SYTL5: variants seen among roughly 807,000 people sequenced by gnomAD.
The protein encoded by SYTL5 is synaptotagmin like 5, also known as synaptotagmin-like protein 5.
SYTL5 carries 34 observed loss-of-function variants against 55.9 expected under a neutral mutation model. The ratio of observed to expected loss-of-function variants is 0.61; its 90% CI spans 0.46 to 0.81. The LOEUF (loss-of-function observed/expected upper bound fraction) is 0.81. Ranked by LOEUF, SYTL5 falls within the 30% of genes least tolerant of loss-of-function variation. The pLI is 0.00. For synonymous variants in SYTL5, 221 were observed against 188.7 expected (o/e 1.17, Z -1.40); for missense variants, 637 against 546.7 (o/e 1.17, Z -1.65).
Position 38,010,948 on chromosome X carries a change from C to T in SYTL5, c.-357+4280C>T, listed in dbSNP as rs139417833. 3.7e-3 allele frequency among the ~76,000 whole-genome samples: 418 copies of T among 111,775 alleles called. 2 individuals carry two copies. Among genetic ancestry groups the T allele is most frequent in the African/African-American group, 0.013 (403 of 30,844 alleles). On this transcript the variant is annotated intron_variant, in intron 1 of 16. Coordinates refer to ENST00000297875, the MANE Select transcript of SYTL5 (RefSeq NM_138780.3). ...TCATCATCAACATCATCGCCACTACCATTTACATAAGAATAAACTGAGGAT... is the reference window on the plus strand; with the variant it reads ...TCATCATCAACATCATCGCCACTACTATTTACATAAGAATAAACTGAGGAT...
chrX:38,083,773 CAT>C (rs777093646), intron 6 of SYTL5, among the ~76,000 whole-genome samples: 14 of 40,199 alleles, frequency 3.5e-4, no homozygotes, highest in Non-Finnish European at 5.1e-4. Flanking sequence ...TAAATAGACT[CAT>C]GTGTGTGTGT....
intron 3 of SYTL5, among the ~76,000 whole-genome samples, chrX:38,070,622 C>A (rs987449144): frequency 1.8e-5 from 2 of 111,168 alleles, no homozygotes; most frequent in Non-Finnish European, 3.8e-5. Flanking sequence ...CCTCAGCATT[C>A]AAATATTTGA....
upstream of SYTL5, among the ~76,000 whole-genome samples, chrX:38,004,559 G>T (rs1269528187): frequency 8.9e-6 from 1 of 111,859 alleles, no homozygotes; most frequent in African/African-American, 3.2e-5. Flanking sequence ...TAAAGAAACT[G>T]TGGTACATAT....
At chrX:37,909,630 C>T in the SYTL5 span, among the ~76,000 whole-genome samples, 12 of 110,677 alleles carry the variant, frequency 1.1e-4, no homozygotes, top group Non-Finnish European at 1.3e-4. Flanking sequence ...CTTTGTTGCA[C>T]ATTAAAAATT....
At chrX:38,050,026 C>A (rs990177790) in intron 2 of SYTL5, among the ~76,000 whole-genome samples, 2 of 111,896 alleles carry the variant, frequency 1.8e-5, no homozygotes, top group African/African-American at 6.5e-5. Context: ...GAACCCTGTG[C>A]TCTGGGCCAC....
At chrX:38,008,627 T>C (rs1199906625) in intron 1 of SYTL5, among the ~76,000 whole-genome samples, 1 of 111,642 alleles carries the variant, frequency 9.0e-6, no homozygotes, top group Non-Finnish European at 1.9e-5. Flanking sequence ...ATCTGGTCTC[T>C]CTCTCCTTTT....
the SYTL5 span, among the ~76,000 whole-genome samples, chrX:37,893,514 T>A: frequency 1.1e-5 from 1 of 91,157 alleles, no homozygotes; most frequent in Non-Finnish European, 2.1e-5. Flanking sequence ...ATTGTATATA[T>A]AATCTATAAT....
At chrX:38,003,211 T>C (rs1284726815), upstream of SYTL5, among the ~76,000 whole-genome samples, 1 of 111,634 alleles carries the variant, frequency 9.0e-6, no homozygotes, top group Non-Finnish European at 1.9e-5. Context: ...GGCTCTGTTC[T>C]GTTCCATTGG....
intron 2 of SYTL5, among the ~76,000 whole-genome samples, chrX:38,041,014 G>C (rs1455351071): frequency 1.8e-5 from 2 of 111,892 alleles, no homozygotes; most frequent in Non-Finnish European, 3.8e-5. Flanking sequence ...TGGCTCAGTT[G>C]AAATGCGCCA....
intron 3 of SYTL5, among the ~76,000 whole-genome samples, chrX:38,064,089 A>G (rs780245393): frequency 4.0e-4 from 43 of 106,368 alleles, no homozygotes; most frequent in Non-Finnish European, 7.2e-4. Context: ...GTGTGTGTGT[A>G]TGTGTATACT....
chrX:38,117,768 G>C (rs1046973514), intron 13 of SYTL5, among the ~76,000 whole-genome samples: 1 of 111,653 alleles, frequency 9.0e-6, no homozygotes, highest in Non-Finnish European at 1.9e-5. Flanking sequence ...CTGCCAGCTG[G>C]AGCACCTACA....
Position 38,125,465 on chromosome X carries a change from G to C in SYTL5, c.2009G>C (p.Ser670Thr), listed in dbSNP as rs752426362. 8.3e-7 allele frequency: 1 copy of C among 1,211,729 alleles called. No individual in the cohort carries two copies. The highest frequency in any genetic ancestry group is 2.2e-5 in the Admixed American group (1 of 46,049). The change falls in exon 16 of 17, where the codon AGC becomes ACC. Residue 670 changes from serine (S) to threonine (T), a missense_variant. By Grantham distance (58) the Ser-to-Thr change is moderately conservative. Coordinates refer to ENST00000297875, the MANE Select transcript of SYTL5 (RefSeq NM_138780.3). Reference sequence around the variant, plus strand: ...ATCTGGGACAAGGAGGCCTTTTCCAGCAACATCTTTCTGGGAGGAGTTCGT... The same window carrying C: ...ATCTGGGACAAGGAGGCCTTTTCCACCAACATCTTTCTGGGAGGAGTTCGT... ...LTIWDKEAFS[S>T]NIFLGGVRLN... is the part of the protein sequence containing the mutation.
chrX:37,894,215 G>C, the SYTL5 span, among the ~76,000 whole-genome samples: 3 of 111,510 alleles, frequency 2.7e-5, no homozygotes, highest in Non-Finnish European at 5.7e-5. Flanking sequence ...CATTAGAGTT[G>C]CTTCCAGTGT....
intron 2 of SYTL5, among the ~76,000 whole-genome samples, chrX:38,046,462 T>C (rs1359028610): frequency 2.7e-5 from 3 of 111,418 alleles, no homozygotes; most frequent in Non-Finnish European, 3.8e-5. Context: ...TCAGATCTCA[T>C]GAGACTTATT....
intron 13 of SYTL5, among the ~76,000 whole-genome samples, chrX:38,111,282 T>G (rs1038171346): frequency 5.4e-5 from 6 of 112,090 alleles, no homozygotes; most frequent in Admixed American, 2.8e-4. Context: ...ATTATTTAAC[T>G]TTTTATTCCT....
chrX:37,959,476 G>A, the SYTL5 span, among the ~76,000 whole-genome samples: 1 of 111,693 alleles, frequency 9.0e-6, no homozygotes, highest in African/African-American at 3.3e-5. Flanking sequence ...CTCAGGTACC[G>A]CGGTTTAAAG....
chrX:38,049,152 T>C (rs1367856462), intron 2 of SYTL5, among the ~76,000 whole-genome samples: 1 of 111,877 alleles, frequency 8.9e-6, no homozygotes, highest in Non-Finnish European at 1.9e-5. Context: ...ATAGACTTTG[T>C]CAGTCACTGT....
chrX:37,928,460 C>T, the SYTL5 span, among the ~76,000 whole-genome samples: 1 of 111,235 alleles, frequency 9.0e-6, no homozygotes, highest in Non-Finnish European at 1.9e-5. Context: ...CTATGGGTAC[C>T]TTTGTCTTAC....
intron 4 of SYTL5, among the ~76,000 whole-genome samples, chrX:38,072,882 C>T (rs776200513): frequency 2.7e-5 from 3 of 111,998 alleles, no homozygotes; most frequent in African/African-American, 6.5e-5. Flanking sequence ...GTAGTAAAAG[C>T]GGAAGAAACA....
Sources: allele counts gnomAD v4.1 joint callset (sites outside exome capture counted in the v4.1 genomes callset), GRCh38; gene constraint gnomAD v4.1.1; transcripts MANE v1.5; gene names NCBI Gene and HGNC (gene_info 2026-07-23, HGNC 2026-07-21).